MED27: variants seen among roughly 807,000 people sequenced by gnomAD.
MED27 encodes mediator complex subunit 27, also known as mediator of RNA polymerase II transcription subunit 27.
A neutral mutation model predicts 38.2 loss-of-function variants in MED27; 30 were observed. The ratio of observed to expected loss-of-function variants is 0.79; its 90% confidence interval spans 0.59 to 1.07. MED27 has a LOEUF of 1.07. Among genes scored for constraint, MED27 ranks in the 50% least tolerant of loss-of-function variants. MED27 has a pLI of 0.00. For synonymous variants in MED27, 122 were observed against 153.5 expected (o/e 0.79, Z 1.52); for missense variants, 289 against 397.5 (o/e 0.73, Z 2.32).
intron 4 of MED27, among the ~76,000 whole-genome samples, chr9:131,905,176 C>T (rs1830029655): frequency 6.6e-6 from 1 of 152,084 alleles, no homozygotes; most frequent in Admixed American, 6.5e-5. Context: ...AGAATGAATG[C>T]CAATGCCTGT....
chr9:131,888,051 A>C (rs1839170162), intron 5 of MED27, among the ~76,000 whole-genome samples: 1 of 152,204 alleles, frequency 6.6e-6, no homozygotes, highest in South Asian at 2.1e-4. Flanking sequence ...AAATGGTGAC[A>C]AATCAAATTT....
intron 5 of MED27, among the ~76,000 whole-genome samples, chr9:131,888,718 T>G (rs1029904397): frequency 6.6e-6 from 1 of 152,306 alleles, no homozygotes; most frequent in East Asian, 1.9e-4. Flanking sequence ...TCAGTTTGGG[T>G]AGAATGCTGC....
At chr9:131,952,573 C>T (rs532617240) in intron 3 of MED27, among the ~76,000 whole-genome samples, 5 of 152,306 alleles carry the variant, frequency 3.3e-5, no homozygotes, top group South Asian at 2.1e-4. Context: ...AGCTGACCCA[C>T]GTGGACTGCA....
At chr9:131,912,162 C>T (rs931074040) in intron 4 of MED27, among the ~76,000 whole-genome samples, 3 of 152,184 alleles carry the variant, frequency 2.0e-5, no homozygotes, top group Non-Finnish European at 4.4e-5. Context: ...CTCTCCTTGA[C>T]ATTTTCCAAA....
intron 2 of MED27, among the ~76,000 whole-genome samples, chr9:132,052,389 G>A (rs976678678): frequency 6.6e-6 from 1 of 152,128 alleles, no homozygotes; most frequent in Non-Finnish European, 1.5e-5. Context: ...TTTGAAGTAT[G>A]TAACAGCTAT....
At chr9:131,958,097 T>C (rs1215855916) in intron 3 of MED27, among the ~76,000 whole-genome samples, 1 of 152,138 alleles carries the variant, frequency 6.6e-6, no homozygotes, top group African/African-American at 2.4e-5. Context: ...CATTGAACTG[T>C]ACATTCATAA....
intron 2 of MED27, among the ~76,000 whole-genome samples, chr9:132,015,432 A>G (rs566396928): frequency 5.9e-5 from 9 of 152,374 alleles, no homozygotes; most frequent in African/African-American, 2.2e-4. Context: ...TTATTGGGAA[A>G]GAGAAATGAT....
chr9:131,910,199 T>C (rs544147857), intron 4 of MED27, among the ~76,000 whole-genome samples: 3 of 152,326 alleles, frequency 2.0e-5, no homozygotes, highest in African/African-American at 7.2e-5. Flanking sequence ...TACCCCTATA[T>C]TTTACTCCTG....
At chr9:131,926,125 T>C (rs1440259207) in intron 4 of MED27, among the ~76,000 whole-genome samples, 2 of 152,272 alleles carry the variant, frequency 1.3e-5, no homozygotes, top group Middle Eastern at 3.4e-3. Context: ...TTTATCACCA[T>C]CTGGCATCAT....
At chr9:131,962,699 T>C (rs966623499) in intron 3 of MED27, among the ~76,000 whole-genome samples, 4 of 152,210 alleles carry the variant, frequency 2.6e-5, no homozygotes, top group African/African-American at 9.7e-5. Context: ...AATCATGAGT[T>C]TGTGTTTAAA....
intron 2 of MED27, among the ~76,000 whole-genome samples, chr9:132,065,188 A>G (rs544466896): frequency 6.6e-6 from 1 of 152,336 alleles, no homozygotes; most frequent in Non-Finnish European, 1.5e-5. Flanking sequence ...TTCAAAATCT[A>G]CAGATTCTCA....
chr9:131,881,196 A>G (rs536527414), intron 6 of MED27, among the ~76,000 whole-genome samples: 26 of 152,340 alleles, frequency 1.7e-4, no homozygotes, highest in African/African-American at 4.3e-4. Context: ...TCTCCTCAGA[A>G]TATTTTTCAA....
rs766438800 is a variant in MED27, at chr9:131,941,817, A to ATTTTTTTTTTTT, written c.480-2355_480-2344dup. ...TAAAGGCAAAGCCCCATTCTGCTGA[A>ATTTTTTTTTTTT]TTTTTTTTTTTTTTTTTTTTTTTTT... On this transcript the variant is annotated intron_variant, in intron 3 of 7. Transcript: ENST00000292035. 2.8e-3 allele frequency among the ~76,000 whole-genome samples: 235 copies of ATTTTTTTTTTTT among 82,514 alleles called. 18 individuals are homozygous for ATTTTTTTTTTTT. Among genetic ancestry groups the ATTTTTTTTTTTT allele is most frequent in the African/African-American group, 4.7e-3 (89 of 19,104 alleles). 54.1% of individuals were successfully genotyped at this position (82,514 alleles called of 152,430 possible). A position where few individuals can be genotyped will look rare whatever the true frequency, so the allele number is the denominator to read the frequency against.
intron 4 of MED27, among the ~76,000 whole-genome samples, chr9:131,914,138 A>G (rs1830242943): frequency 1.3e-5 from 2 of 152,198 alleles, no homozygotes; most frequent in South Asian, 4.1e-4. Flanking sequence ...CTTTCTTTTT[A>G]TCTTTTGTGA....
At chr9:131,875,774 C>A (rs908823267) in intron 6 of MED27, among the ~76,000 whole-genome samples, 2 of 152,246 alleles carry the variant, frequency 1.3e-5, no homozygotes, top group Non-Finnish European at 2.9e-5. Context: ...CCACCACACC[C>A]AGCTAATTTT....
intron 4 of MED27, among the ~76,000 whole-genome samples, chr9:131,900,227 C>G (rs369768748): frequency 1.3e-5 from 2 of 152,128 alleles, no homozygotes; most frequent in African/African-American, 2.4e-5. Context: ...CCTGCCTAGC[C>G]CCCCCATCAG....
At chr9:131,961,747 C>G (rs1455256476) in intron 3 of MED27, among the ~76,000 whole-genome samples, 2 of 152,196 alleles carry the variant, frequency 1.3e-5, no homozygotes, top group African/African-American at 4.8e-5. Context: ...GGTAGCACAG[C>G]CTGGCCATAT....
intron 2 of MED27, among the ~76,000 whole-genome samples, chr9:132,020,884 T>G (rs987533662): frequency 6.6e-6 from 1 of 152,210 alleles, no homozygotes; most frequent in Non-Finnish European, 1.5e-5. Flanking sequence ...GACTTGAGCT[T>G]TTATGGGTAA....
At chr9:131,924,307 T>G (rs1830445508) in intron 4 of MED27, among the ~76,000 whole-genome samples, 1 of 152,200 alleles carries the variant, frequency 6.6e-6, no homozygotes, top group South Asian at 2.1e-4. Context: ...GCAATTTTAA[T>G]TCGCATTTCC....
Sources: allele counts gnomAD v4.1 joint callset (sites outside exome capture counted in the v4.1 genomes callset), GRCh38; gene constraint gnomAD v4.1.1; transcripts MANE v1.5; gene names NCBI Gene and HGNC (gene_info 2026-07-23, HGNC 2026-07-21).